The following SGCG variants were observed in gnomAD, a reference collection of about 807,000 sequenced individuals.
The protein encoded by SGCG is sarcoglycan gamma, also known as gamma-sarcoglycan.
In SGCG, 26 loss-of-function variants were observed where a neutral mutation model predicts 29.3. The ratio of observed to expected loss-of-function variants is 0.89; its 90% CI spans 0.65 to 1.23. The LOEUF (loss-of-function observed/expected upper bound fraction) is 1.23. SGCG is among the 50% of genes most tolerant of loss of function. The pLI is 0.00. For synonymous variants in SGCG, 145 were observed against 129.7 expected (o/e 1.12, Z -0.80); for missense variants, 353 against 356.0 (o/e 0.99, Z 0.07).
At chr13:23,200,277 G>A (rs1041892563) in intron 1 of SGCG, among the ~76,000 whole-genome samples, 16 of 152,124 alleles carry the variant, frequency 1.1e-4, no homozygotes, top group African/African-American at 3.9e-4. Context: ...ACAAAAATTA[G>A]CTGGGCGTGG....
intron 7 of SGCG, among the ~76,000 whole-genome samples, chr13:23,323,021 CTG>C (rs1369213135): frequency 6.6e-6 from 1 of 152,058 alleles, no homozygotes; most frequent in Non-Finnish European, 1.5e-5. Context: ...AACTACATTA[CTG>C]TGATATTAAT....
the SGCG span, among the ~76,000 whole-genome samples, chr13:23,164,014 A>C: frequency 6.6e-6 from 1 of 152,294 alleles, no homozygotes; most frequent in East Asian, 1.9e-4. Context: ...CTGCATATTA[A>C]GTTCTGGTTG....
At position 23,234,717 on chromosome 13, in the gene SGCG, G is replaced by A; in HGVS notation, c.297+5G>A. 6.5e-7 allele frequency: 1 copy of A among 1,529,132 alleles called. No individual in the cohort carries two copies. Among genetic ancestry groups the A allele is most frequent in the South Asian group, 1.1e-5 (1 of 89,172 alleles). 94.7% of individuals were successfully genotyped at this position (1,529,132 alleles called of 1,614,324 possible). A position where few individuals can be genotyped will look rare whatever the true frequency, so the allele number is the denominator to read the frequency against. ...AAAGAAATACACTCCAGAGTGGTAAGAAAATGTTAAGACAAATAATTTGTG... is the reference window on the plus strand; with the variant it reads ...AAAGAAATACACTCCAGAGTGGTAAAAAAATGTTAAGACAAATAATTTGTG... On this transcript the variant is annotated splice_donor_5th_base_variant and intron_variant, in intron 3 of 7. Coordinates refer to ENST00000218867, the MANE Select transcript of SGCG (RefSeq NM_000231.3).
At chr13:23,229,577 CA>C (rs955390412) in intron 2 of SGCG, among the ~76,000 whole-genome samples, 1 of 152,106 alleles carries the variant, frequency 6.6e-6, no homozygotes, top group Non-Finnish European at 1.5e-5. Flanking sequence ...TTTTTGACCA[CA>C]TGTGTGTTTT....
chr13:23,267,529 C>T (rs1880684711), intron 4 of SGCG: 2 of 152,236 alleles, frequency 1.3e-5, no homozygotes, highest in Admixed American at 1.3e-4. Context: ...AATCTTTGAT[C>T]TTCCTTTGAA....
upstream of SGCG, chr13:23,180,856 T>G (rs1208121653): frequency 6.6e-6 from 1 of 152,200 alleles, no homozygotes; most frequent in East Asian, 1.9e-4. Flanking sequence ...ATGAACTGTT[T>G]ATGTCACTGA....
intron 1 of SGCG, among the ~76,000 whole-genome samples, chr13:23,193,761 A>C (rs1877374486): frequency 6.6e-6 from 1 of 152,220 alleles, no homozygotes; most frequent in Non-Finnish European, 1.5e-5. Context: ...TAGAAATATA[A>C]ATTTGGGAAC....
intron 2 of SGCG, among the ~76,000 whole-genome samples, chr13:23,226,054 A>T (rs549814709): frequency 6.6e-6 from 1 of 152,200 alleles, no homozygotes; most frequent in South Asian, 2.1e-4. Flanking sequence ...CTTCAGGCAG[A>T]TGCCCTTCCT....
intron 5 of SGCG, among the ~76,000 whole-genome samples, chr13:23,290,334 G>A (rs538226323): frequency 1.8e-4 from 27 of 152,262 alleles, no homozygotes; most frequent in African/African-American, 6.3e-4. Flanking sequence ...AACCAACTGA[G>A]CTCCAAAAAA....
chr13:23,182,626 T>C (rs1209533658), intron 1 of SGCG, among the ~76,000 whole-genome samples: 2 of 152,232 alleles, frequency 1.3e-5, no homozygotes, highest in South Asian at 2.1e-4. Context: ...TTTAATTTTA[T>C]ATGTTATGCT....
At chr13:23,309,862 T>A in intron 6 of SGCG, among the ~76,000 whole-genome samples, 1 of 152,152 alleles carries the variant, frequency 6.6e-6, no homozygotes. Context: ...GTTTTGTACA[T>A]CTTCAGGTCC....
intron 4 of SGCG, among the ~76,000 whole-genome samples, chr13:23,265,256 G>GA (rs138752059): frequency 1.2e-3 from 174 of 149,032 alleles, no homozygotes; most frequent in African/African-American, 2.8e-3. Flanking sequence ...AGATCAGCAA[G>GA]AAAAAAAAAA....
rs1292988883 is a variant in SGCG at position 23,315,377 on chromosome 13, G to A, written c.579-5260G>A. ...ATGTGGTATATATGCGATCGTGCTC[G>A]AGCAGGTCCTGAAGGCACATGTAAG... On this transcript the variant is annotated intron_variant, in intron 6 of 7. Coordinates refer to ENST00000218867, the MANE Select transcript of SGCG (RefSeq NM_000231.3). 2.6e-5 allele frequency among the ~76,000 whole-genome samples: 4 copies of A among 152,136 alleles called. No individual in the cohort carries two copies. In the South Asian group the frequency reaches 6.2e-4, roughly 24 times the overall value.
intron 1 of SGCG, among the ~76,000 whole-genome samples, chr13:23,191,521 A>G (rs1224819197): frequency 6.6e-6 from 1 of 152,206 alleles, no homozygotes; most frequent in Non-Finnish European, 1.5e-5. Flanking sequence ...AAATGTTGGG[A>G]TGCATCCTAG....
intron 2 of SGCG, among the ~76,000 whole-genome samples, chr13:23,218,831 T>C (rs1195566178): frequency 2.0e-5 from 3 of 151,454 alleles, no homozygotes; most frequent in Non-Finnish European, 2.9e-5. Flanking sequence ...CATTTGAGTA[T>C]AGGAAAAACT....
At chr13:23,187,824 G>A (rs1593161338) in intron 1 of SGCG, among the ~76,000 whole-genome samples, 1 of 152,204 alleles carries the variant, frequency 6.6e-6, no homozygotes, top group East Asian at 1.9e-4. Context: ...ATGACCAGGT[G>A]CTCTGTCTTC....
intron 1 of SGCG, among the ~76,000 whole-genome samples, chr13:23,188,419 A>G (rs554498): frequency 0.94 from 136,839 of 145,064 alleles, 64,541 homozygotes; most frequent in East Asian, 1. Flanking sequence ...TCCACCTCCC[A>G]GGTTCAAGCT....
At chr13:23,320,559 GC>G in intron 6 of SGCG, 77 bp from the exon 7 acceptor site, 1 of 1,237,930 alleles carries the variant, frequency 8.1e-7, no homozygotes, top group South Asian at 1.3e-5. Flanking sequence ...TATTTCCCAT[GC>G]TAAGTTGAGG....
chr13:23,203,966 AG>A (rs1341623326), intron 2 of SGCG, 77 bp downstream of exon 2: 9 of 1,081,000 alleles, frequency 8.3e-6, no homozygotes, highest in Non-Finnish European at 1.3e-5. Context: ...TATTGATAGG[AG>A]TTTCCTTTTG....
Sources: gnomAD v4.1 joint callset for allele counts (sites outside exome capture counted in the v4.1 genomes callset) on GRCh38, gnomAD v4.1.1 for gene constraint, MANE v1.5 for transcripts, NCBI Gene and HGNC (gene_info 2026-07-23, HGNC 2026-07-21) for gene names.